Variants in ATL2 observed in about 807,000 individuals in gnomAD.
ATL2 encodes the protein atlastin-2.
ATL2 carries 31 observed loss-of-function variants against 73.9 expected under a neutral mutation model. That is an observed-to-expected ratio of 0.42 (90% confidence interval 0.32 to 0.57). The LOEUF is 0.57. Ranked by LOEUF, ATL2 falls within the 20% of genes least tolerant of loss-of-function variation. ATL2 has a pLI of 0.14. For synonymous variants in ATL2, 291 were observed against 237.5 expected, an observed-to-expected ratio of 1.23 and a Z score of -2.07; for missense variants, 738 against 702.6, an observed-to-expected ratio of 1.05 and a Z score of -0.57.
intron 1 of ATL2, chr2:38,358,609 G>A (rs112659670): frequency 1.4e-3 from 369 of 265,554 alleles, no homozygotes; most frequent in African/African-American, 8.2e-3. Context: ...GGAGAATGGC[G>A]TGGACCCAAG....
chr2:38,337,007 T>A (rs1669395224), intron 2 of ATL2, among the ~76,000 whole-genome samples: 1 of 152,114 alleles, frequency 6.6e-6, no homozygotes, highest in Admixed American at 6.6e-5. Context: ...CATGTAAAAC[T>A]ACACCAACGG....
At chr2:38,324,378 A>T (rs1668487083) in intron 2 of ATL2, among the ~76,000 whole-genome samples, 1 of 152,238 alleles carries the variant, frequency 6.6e-6, no homozygotes, top group African/African-American at 2.4e-5. Flanking sequence ...CATGTGTATA[A>T]AACTAGTACC....
intron 2 of ATL2, among the ~76,000 whole-genome samples, chr2:38,327,709 G>A (rs1252830875): frequency 6.6e-6 from 1 of 152,150 alleles, no homozygotes; most frequent in African/African-American, 2.4e-5. Context: ...GCAGAGGTGG[G>A]TGGATCACCT....
chr2:38,306,542 T>C (rs990672569), intron 9 of ATL2, among the ~76,000 whole-genome samples: 5 of 152,132 alleles, frequency 3.3e-5, no homozygotes, highest in East Asian at 3.8e-4. Context: ...CATCATCACC[T>C]AGGGTCAGGC....
intron 1 of ATL2, among the ~76,000 whole-genome samples, chr2:38,352,780 T>G (rs1014981089): frequency 6.6e-6 from 1 of 152,196 alleles, no homozygotes; most frequent in East Asian, 1.9e-4. Flanking sequence ...AGGGTCAAGT[T>G]CTAGAGTAAG....
At chr2:38,304,525 C>A (rs557833258) in intron 9 of ATL2, among the ~76,000 whole-genome samples, 1 of 152,264 alleles carries the variant, frequency 6.6e-6, no homozygotes, top group East Asian at 1.9e-4. Flanking sequence ...GGTGTGTAAA[C>A]AACTCATATC....
intron 7 of ATL2, 81 bp from the exon 8 acceptor site, chr2:38,310,528 C>T (rs551791012): frequency 8.6e-7 from 1 of 1,164,468 alleles, no homozygotes; most frequent in South Asian, 1.7e-5. Context: ...GACTCGCATG[C>T]ACACTATGCA....
intron 1 of ATL2, among the ~76,000 whole-genome samples, chr2:38,376,898 G>A (rs533019710): frequency 1.3e-5 from 2 of 150,402 alleles, no homozygotes; most frequent in Non-Finnish European, 3.0e-5. Context: ...GGTCGCAGAC[G>A]CGCGCGCCAC....
intron 1 of ATL2, among the ~76,000 whole-genome samples, chr2:38,348,746 T>C (rs1013197873): frequency 2.0e-5 from 3 of 150,952 alleles, no homozygotes; most frequent in Admixed American, 6.6e-5. Context: ...ACCTACAAAA[T>C]GGGAGAAAAT....
intron 1 of ATL2, among the ~76,000 whole-genome samples, chr2:38,375,449 G>C (rs986123270): frequency 6.6e-6 from 1 of 152,086 alleles, no homozygotes; most frequent in African/African-American, 2.4e-5. Context: ...GCAGACAAAA[G>C]CATTTATTAA....
intron 1 of ATL2, chr2:38,376,340 G>A: frequency 2.0e-6 from 2 of 1,013,416 alleles, no homozygotes; most frequent in Non-Finnish European, 1.3e-6. Flanking sequence ...TACACGTACA[G>A]TAGGAGCTCA....
rs145081485 is a variant in ATL2 at position 38,297,997 on chromosome 2, C to A, written c.1632+147G>T. ...AACTTTAAAGAAAAAATCTTCAATT[C>A]ATAAAGATTCTACATCTGAACAAAA... On this transcript the variant is annotated intron_variant, in intron 12 of 12. Transcript: ENST00000378954. 605 of 750,740 alleles carry A rather than the reference C, an allele frequency of 8.1e-4. 5 individuals carry two copies. In the African/African-American group the frequency reaches 9.4e-3, roughly 12 times the overall value. 46.5% of individuals were successfully genotyped at this position (750,740 alleles called of 1,614,324 possible). A position where few individuals can be genotyped will look rare whatever the true frequency, so the allele number is the denominator to read the frequency against.
rs887808881 is a variant in ATL2 at position 38,294,164 on chromosome 2, C to A, written c.*1830G>T. On this transcript the variant is annotated 3_prime_UTR_variant, in exon 13 of 13. Transcript: ENST00000378954. ...AATACAATCCATATAAAAACAGAAT[C>A]TGAATGGGAGTGGGAGCGAAGATGT... is the stretch of plus-strand genomic sequence containing the variant. Among the ~76,000 whole-genome samples, 4 of 152,188 alleles carry A rather than the reference C, an allele frequency of 2.6e-5. No individual in the cohort carries two copies. Among genetic ancestry groups the A allele is most frequent in the Non-Finnish European group, 5.9e-5 (4 of 68,022 alleles).
intron 1 of ATL2, among the ~76,000 whole-genome samples, chr2:38,355,379 G>A (rs926104161): frequency 6.6e-6 from 1 of 152,136 alleles, no homozygotes; most frequent in Non-Finnish European, 1.5e-5. Context: ...GCCTCCCAAA[G>A]TGCTGGGATT....
chr2:38,373,093 C>G (rs562874913), intron 1 of ATL2, among the ~76,000 whole-genome samples: 1 of 152,274 alleles, frequency 6.6e-6, no homozygotes, highest in African/African-American at 2.4e-5. Context: ...CTGTTTCCCA[C>G]GACAGCCTTG....
intron 2 of ATL2, among the ~76,000 whole-genome samples, chr2:38,329,342 C>T (rs1015719758): frequency 7.3e-6 from 1 of 137,760 alleles, no homozygotes; most frequent in Admixed American, 7.9e-5. Context: ...GCAGGAGAAT[C>T]GCTGGAACTC....
chr2:38,336,328 G>C lies in ATL2; in HGVS notation c.363+6940C>G, dbSNP rs1038272525. Reference sequence around the variant, plus strand: ...GTCTCTGGCAACAGTTTGGGGAGCAGCTCTTTAAATAGCAAAGAATAAAAA... The same window carrying C: ...GTCTCTGGCAACAGTTTGGGGAGCACCTCTTTAAATAGCAAAGAATAAAAA... On this transcript the variant is annotated intron_variant, in intron 2 of 12. Coordinates refer to ENST00000378954, the MANE Select transcript of ATL2 (RefSeq NM_001135673.4). Among the ~76,000 whole-genome samples, 5 of 152,182 alleles carry C rather than the reference G, an allele frequency of 3.3e-5. No individual in the cohort carries two copies. The South Asian group carries it at 1.0e-3, about 31-fold the overall frequency.
intron 9 of ATL2, among the ~76,000 whole-genome samples, chr2:38,305,400 T>C (rs1667395143): frequency 6.6e-6 from 1 of 151,928 alleles, no homozygotes; most frequent in Non-Finnish European, 1.5e-5. Flanking sequence ...ATACAAAAAA[T>C]TAGCTGGGCA....
At chr2:38,371,209 A>G (rs56771121) in intron 1 of ATL2, among the ~76,000 whole-genome samples, 18,564 of 151,642 alleles carry the variant, frequency 0.12, 3,332 homozygotes, top group African/African-American at 0.4. Flanking sequence ...AAAAAAAAAA[A>G]AAAGAAAGAA....
Sources: gnomAD v4.1 joint callset for allele counts (sites outside exome capture counted in the v4.1 genomes callset) on GRCh38, gnomAD v4.1.1 for gene constraint, MANE v1.5 for transcripts, NCBI Gene and HGNC (gene_info 2026-07-23, HGNC 2026-07-21) for gene names.